TAF8: variants seen among roughly 807,000 people sequenced by gnomAD.
TAF8 encodes the protein transcription initiation factor TFIID subunit 8.
A neutral mutation model predicts 36.5 loss-of-function variants in TAF8; 47 were observed. That is an observed-to-expected ratio of 1.29 (90% confidence interval 1.02 to 1.64). The LOEUF is 1.64. Ranked by LOEUF, TAF8 falls within the 40% of genes most tolerant of loss-of-function variation. The pLI, the probability that TAF8 is intolerant of heterozygous loss-of-function variation, is 0.00. For missense variants in TAF8, 420 were observed against 407.6 expected (o/e 1.03, Z -0.26); for synonymous variants, 175 against 159.5 (o/e 1.10, Z -0.73).
At position 42,078,848 on chromosome 6, in the gene TAF8, G is replaced by A. The variant is rs1321111340; in HGVS notation, c.*1303G>A. ...AAACAGTAGGAAAGAGGGGCTACGC[G>A]CAGTGGCTCACGCCTGTAATCCCAG... On this transcript the variant is annotated 3_prime_UTR_variant, in exon 9 of 9. Coordinates refer to ENST00000372977, the MANE Select transcript of TAF8 (RefSeq NM_138572.3). 2.1e-5 allele frequency: 21 copies of A among 985,380 alleles called. No homozygotes were observed. In the African/African-American group the frequency reaches 2.6e-4, roughly 12 times the overall value. 61.0% of individuals were successfully genotyped at this position (985,380 alleles called of 1,614,324 possible).
intron 1 of TAF8, 140 bp downstream of exon 1, chr6:42,050,726 G>A: frequency 6.2e-6 from 7 of 1,134,414 alleles, no homozygotes; most frequent in Non-Finnish European, 8.5e-6. Context: ...TCAGGCCGTA[G>A]GCGCCCCCTC....
Position 42,081,166 on chromosome 6 carries a change from C to T in TAF8, c.*3621C>T, listed in dbSNP as rs979114951. ...TTTTTGTCCTTTATTTTCTTTCCTC[C>T]TGGAGTGTGTGTGTGTGTGTGTGTG... On this transcript the variant is annotated 3_prime_UTR_variant, in exon 9 of 9. Coordinates refer to ENST00000372977, the MANE Select transcript of TAF8 (RefSeq NM_138572.3). 4 of 129,428 alleles carry T rather than the reference C, an allele frequency of 3.1e-5. No individual in the cohort carries two copies. Among genetic ancestry groups the T allele is most frequent in the Non-Finnish European group, 4.3e-5 (3 of 69,090 alleles). 8.0% of individuals were successfully genotyped at this position (129,428 alleles called of 1,614,324 possible).
chr6:42,085,966 A>C (rs1766018813), downstream of TAF8, among the ~76,000 whole-genome samples: 1 of 152,222 alleles, frequency 6.6e-6, no homozygotes, highest in Non-Finnish European at 1.5e-5. Flanking sequence ...GCCTGGTAAC[A>C]GAGCGAGACT....
intron 7 of TAF8, among the ~76,000 whole-genome samples, chr6:42,076,001 AGAT>A (rs201858713): frequency 0.018 from 2,679 of 152,272 alleles, 81 homozygotes; most frequent in African/African-American, 0.061. Flanking sequence ...TGAGGTCAGG[AGAT>A]CGAGACCATC....
At chr6:42,063,485 T>C (rs1765253617) in intron 5 of TAF8, 1 of 152,240 alleles carries the variant, frequency 6.6e-6, no homozygotes, top group Non-Finnish European at 1.5e-5. Context: ...CAAAATAATG[T>C]ACATTAAAAG....
chr6:42,051,526 A>C lies in TAF8; in HGVS notation c.202+13A>C. ...ATGCTGCAGAGCTGTGAGTACATGG[A>C]AACACTTGGCCTTGGAGTCAACCCC... On this transcript the variant is annotated intron_variant, in intron 2 of 8. Coordinates refer to ENST00000372977, the MANE Select transcript of TAF8 (RefSeq NM_138572.3). 6.2e-7 allele frequency: 1 copy of C among 1,612,754 alleles called. No individual in the cohort carries two copies. The highest frequency in any genetic ancestry group is 1.1e-5 in the South Asian group (1 of 91,050).
At chr6:42,051,608 CT>C in intron 2 of TAF8, 95 bp downstream of exon 2, 6 of 1,441,362 alleles carry the variant, frequency 4.2e-6, no homozygotes, top group East Asian at 4.8e-5. Flanking sequence ...AAGAAACAAA[CT>C]TTTTTCTTAA....
At chr6:42,073,639 G>T (rs1478790103) in intron 7 of TAF8, among the ~76,000 whole-genome samples, 1 of 152,158 alleles carries the variant, frequency 6.6e-6, no homozygotes, top group Non-Finnish European at 1.5e-5. Context: ...CAGAGGGAAT[G>T]GGCAGTGCAA....
At chr6:42,055,416 C>T in intron 2 of TAF8, 115 bp from the exon 3 acceptor site, 1 of 708,834 alleles carries the variant, frequency 1.4e-6, no homozygotes, top group South Asian at 1.7e-5. Flanking sequence ...CGAATCCCTG[C>T]TTTCAGTTCA....
At chr6:42,085,979 A>G (rs1321113287), downstream of TAF8, among the ~76,000 whole-genome samples, 1 of 152,196 alleles carries the variant, frequency 6.6e-6, no homozygotes, top group Admixed American at 6.5e-5. Flanking sequence ...GCGAGACTCC[A>G]TCACAAAAAG....
In TAF8 at chr6:42,066,833, A is replaced by G. The variant is rs553603948; in HGVS notation, c.637+374A>G. On this transcript the variant is annotated intron_variant, in intron 6 of 8. Transcript: ENST00000372977. ...TCATTTAACTTGGCATCTCAGCACTATTTGGCCATGTTGACCAAGCTACTT... is the reference window on the plus strand; with the variant it reads ...TCATTTAACTTGGCATCTCAGCACTGTTTGGCCATGTTGACCAAGCTACTT... Among the ~76,000 whole-genome samples the G allele has an allele frequency of 7.2e-5, 11 of 152,226 alleles. No homozygotes were observed. In the South Asian group the frequency reaches 2.3e-3, roughly 32 times the overall value.
chr6:42,061,838 T>A (rs1285228652), intron 5 of TAF8, among the ~76,000 whole-genome samples: 2 of 152,138 alleles, frequency 1.3e-5, no homozygotes, highest in African/African-American at 4.8e-5. Context: ...AATTGGATTT[T>A]GGAAAGTTTG....
Position 42,058,123 on chromosome 6 carries a change from C to T in TAF8, c.489+610C>T, listed in dbSNP as rs557486768. Among the ~76,000 whole-genome samples, 130 of 152,200 alleles carry T rather than the reference C, an allele frequency of 8.5e-4. 1 individual carries two copies. Among genetic ancestry groups the T allele is most frequent in the African/African-American group, 3.0e-3 (126 of 41,532 alleles). On this transcript the variant is annotated intron_variant, in intron 5 of 8. Coordinates refer to ENST00000372977, the MANE Select transcript of TAF8 (RefSeq NM_138572.3). ...TAATGGCCGGGAGCAGTGGCTCATA[C>T]CTTTAATCCCAACACTTTGGAAGGC...
rs1765916254 is a variant in TAF8 at position 42,081,207 on chromosome 6, GAGAC to G, written c.*3666_*3669del. On this transcript the variant is annotated 3_prime_UTR_variant, in exon 9 of 9. Transcript: ENST00000372977. ...TGTGTGTGTGCGTGTGTGTGCGTGTGAGACAGAGTTTCGCGCTGGAGTGCAATGG... is the reference window on the plus strand; with the variant it reads ...TGTGTGTGTGCGTGTGTGTGCGTGTGAGAGTTTCGCGCTGGAGTGCAATGG... The G allele has an allele frequency of 6.5e-6, 1 of 154,484 alleles. No homozygotes were observed. The highest frequency in any genetic ancestry group is 1.4e-5 in the Non-Finnish European group (1 of 70,392). The allele number at this position is 154,484 out of a possible 1,614,324, so 9.6% of individuals were successfully genotyped here.
At chr6:42,071,792 AAG>A (rs1765587684) in intron 7 of TAF8, among the ~76,000 whole-genome samples, 1 of 152,166 alleles carries the variant, frequency 6.6e-6, no homozygotes, top group South Asian at 2.1e-4. Flanking sequence ...CCTTATGAGA[AAG>A]AGGAATCATG....
chr6:42,058,601 A>G (rs1765086932), intron 5 of TAF8, among the ~76,000 whole-genome samples: 1 of 152,002 alleles, frequency 6.6e-6, no homozygotes, highest in African/African-American at 2.4e-5. Context: ...TCCTCTGGGC[A>G]TTTTTCCATA....
chr6:42,055,606 T>G lies in TAF8; in HGVS notation c.278T>G (p.Ile93Ser). ...TARTQPTLSDIVVTLVEMGFN... is the reference protein window; with the variant it reads ...TARTQPTLSDSVVTLVEMGFN... ...AGGACCCAGCCCACACTGTCCGATA[T>G]CGTGGTCACACTTGTTGAGATGGGT... The change falls in exon 3 of 9, where the codon ATC becomes AGC. Residue 93 changes from isoleucine to serine, a missense_variant. Transcript: ENST00000372977. The G allele has an allele frequency of 6.2e-7, 1 of 1,614,174 alleles. No individual in the cohort carries two copies. Among genetic ancestry groups the G allele is most frequent in the Non-Finnish European group, 8.5e-7 (1 of 1,179,994 alleles).
At chr6:42,087,202 C>G (rs1766043575), downstream of TAF8, 1 of 190,246 alleles carries the variant, frequency 5.3e-6, no homozygotes, top group African/African-American at 2.3e-5. Context: ...AACCCTGCTT[C>G]TCCTCACAGG....
intron 7 of TAF8, among the ~76,000 whole-genome samples, chr6:42,073,749 G>C (rs1765661219): frequency 6.6e-6 from 1 of 152,136 alleles, no homozygotes; most frequent in Non-Finnish European, 1.5e-5. Flanking sequence ...AGAGAGATGG[G>C]AGTTGTGGGA....
Sources: gnomAD v4.1 joint callset for allele counts (sites outside exome capture counted in the v4.1 genomes callset) on GRCh38, gnomAD v4.1.1 for gene constraint, MANE v1.5 for transcripts, NCBI Gene and HGNC (gene_info 2026-07-23, HGNC 2026-07-21) for gene names.